Variants in GNA13 observed in about 807,000 individuals in gnomAD.
The protein encoded by GNA13 is guanine nucleotide-binding protein subunit alpha-13.
A neutral mutation model predicts 33.5 loss-of-function variants in GNA13; 4 were observed. The ratio of observed to expected loss-of-function variants is 0.12; its 90% CI spans 0.06 to 0.27. GNA13 has a LOEUF of 0.27. Ranked by LOEUF, GNA13 falls within the 10% of genes least tolerant of loss-of-function variation. The pLI, the probability that GNA13 is intolerant of heterozygous loss-of-function variation, is 1.00. For missense variants in GNA13, 319 were observed against 487.2 expected (o/e 0.65, Z 3.25); for synonymous variants, 176 against 183.8 (o/e 0.96, Z 0.34).
chr17:65,053,568 A>G lies in GNA13; in HGVS notation c.444T>C (p.Ala148=). ...ETRVFLQYLP[A]IRALWADSGI... is the part of the protein sequence containing the mutation. ...CGCTGTCTGCCCATAATGCTCTTAT[A>G]GCAGGAAGATATTGTAAGAAAACCC... Residue 148 remains alanine, a synonymous_variant, in exon 2 of 4, where the codon GCT becomes GCC. Transcript: ENST00000439174. 1.2e-6 allele frequency: 2 copies of G among 1,614,068 alleles called. No homozygotes were observed. Among genetic ancestry groups the G allele is most frequent in the South Asian group, 1.1e-5 (1 of 91,086 alleles).
chr17:65,021,095 G>A (rs1459010961), intron 2 of GNA13, among the ~76,000 whole-genome samples: 5 of 152,200 alleles, frequency 3.3e-5, no homozygotes, highest in African/African-American at 9.7e-5. Flanking sequence ...TAGTAAGGCT[G>A]AAGAGTAAAA....
chr17:65,026,761 ACATT>A (rs1438839353), intron 2 of GNA13, among the ~76,000 whole-genome samples: 1 of 152,006 alleles, frequency 6.6e-6, no homozygotes, highest in Non-Finnish European at 1.5e-5. Context: ...TTTTCCAAGC[ACATT>A]CAATTTTTTG....
At chr17:65,042,675 T>C (rs1243700371) in intron 2 of GNA13, among the ~76,000 whole-genome samples, 2 of 151,928 alleles carry the variant, frequency 1.3e-5, no homozygotes. Context: ...AGAGGGAGGC[T>C]GCAGTGAGCC....
Position 65,009,301 on chromosome 17 carries a change from C to T in GNA13, c.*4956G>A, listed in dbSNP as rs1216051090. ...TAACATCATAGTATTGAATTGTTTA[C>T]AAATGTTTATTAAATGTCAGTAATT... On this transcript the variant is annotated 3_prime_UTR_variant, in exon 4 of 4. Coordinates refer to ENST00000439174, the MANE Select transcript of GNA13 (RefSeq NM_006572.6). Among the ~76,000 whole-genome samples the T allele has an allele frequency of 6.6e-6, 1 of 152,122 alleles. No homozygotes were observed. Among genetic ancestry groups the T allele is most frequent in the Non-Finnish European group, 1.5e-5 (1 of 68,030 alleles).
chr17:65,052,603 TCA>T (rs1250315423), intron 2 of GNA13, among the ~76,000 whole-genome samples: 1 of 152,276 alleles, frequency 6.6e-6, no homozygotes, highest in African/African-American at 2.4e-5. Context: ...ATCACAGCAT[TCA>T]CAGTTAAATT....
Position 65,022,896 on chromosome 17 carries a change from G to A in GNA13, c.511-4593C>T, listed in dbSNP as rs533239273. ...AGTGAGAGCAGCTGCTCAGAGTTGA[G>A]GACACTCGGAACAACCATCAACTGT... On this transcript the variant is annotated intron_variant, in intron 2 of 3. Transcript: ENST00000439174. Among the ~76,000 whole-genome samples, 6 of 152,320 alleles carry A rather than the reference G, an allele frequency of 3.9e-5. No individual in the cohort carries two copies. In the East Asian group the frequency reaches 1.2e-3, roughly 29 times the overall value.
chr17:65,051,469 GC>G (rs1413351899), intron 2 of GNA13, among the ~76,000 whole-genome samples: 2 of 152,114 alleles, frequency 1.3e-5, no homozygotes, highest in Non-Finnish European at 2.9e-5. Context: ...TACAAAATTA[GC>G]CAGGTGTGGT....
chr17:65,045,710 TAAAG>T (rs575265230), intron 2 of GNA13, among the ~76,000 whole-genome samples: 23 of 152,188 alleles, frequency 1.5e-4, no homozygotes, highest in East Asian at 3.9e-4. Flanking sequence ...GTTACTATAA[TAAAG>T]AAAGAAGAAA....
intron 1 of GNA13, among the ~76,000 whole-genome samples, chr17:65,054,914 C>G (rs947233710): frequency 3.3e-5 from 5 of 152,126 alleles, no homozygotes; most frequent in Non-Finnish European, 7.3e-5. Context: ...AGGATAAATA[C>G]AACTGTTCTT....
chr17:65,028,553 C>G (rs942794997), intron 2 of GNA13, among the ~76,000 whole-genome samples: 1 of 152,002 alleles, frequency 6.6e-6, no homozygotes, highest in African/African-American at 2.4e-5. Context: ...GTAGCAGTTG[C>G]CTCTTGTAAT....
intron 2 of GNA13, among the ~76,000 whole-genome samples, chr17:65,040,623 A>G (rs1292321449): frequency 6.6e-6 from 1 of 152,020 alleles, no homozygotes; most frequent in East Asian, 1.9e-4. Context: ...CCTCCCAAGT[A>G]GCTGGGATTA....
At chr17:65,028,298 G>A (rs1294560819) in intron 2 of GNA13, among the ~76,000 whole-genome samples, 4 of 151,910 alleles carry the variant, frequency 2.6e-5, no homozygotes, top group Middle Eastern at 3.4e-3. Flanking sequence ...TCAGCTACTT[G>A]GGAGGGAGGT....
intron 1 of GNA13, 24 bp downstream of exon 1, chr17:65,056,287 C>A: frequency 6.4e-7 from 1 of 1,574,270 alleles, no homozygotes; most frequent in Non-Finnish European, 8.6e-7. Context: ...CCTTAACCCC[C>A]GGCCCCCATT....
chr17:65,037,777 G>GAAAAAAAAAAAAAC (rs145051963), intron 2 of GNA13, among the ~76,000 whole-genome samples: 1 of 82,042 alleles, frequency 1.2e-5, no homozygotes, highest in East Asian at 3.9e-4. Flanking sequence ...CTACAAAAAT[G>GAAAAAAAAAAAAAC]GAAAAAAAAA....
chr17:65,034,761 G>T (rs1322225436), intron 2 of GNA13, among the ~76,000 whole-genome samples: 1 of 152,122 alleles, frequency 6.6e-6, no homozygotes, highest in Non-Finnish European at 1.5e-5. Flanking sequence ...AGAGAAAAAA[G>T]TTTTAGCCAT....
intron 2 of GNA13, among the ~76,000 whole-genome samples, chr17:65,051,061 C>G (rs1163104158): frequency 6.6e-6 from 1 of 152,186 alleles, no homozygotes; most frequent in African/African-American, 2.4e-5. Context: ...TAGACGTCAG[C>G]TTCCAAATTA....
intron 1 of GNA13, among the ~76,000 whole-genome samples, chr17:65,055,386 G>A (rs1908008596): frequency 6.6e-6 from 1 of 152,108 alleles, no homozygotes; most frequent in African/African-American, 2.4e-5. Context: ...TAAAACTACT[G>A]TCAATAAAGA....
At chr17:65,043,669 CTATT>C (rs1289716986) in intron 2 of GNA13, among the ~76,000 whole-genome samples, 4 of 152,024 alleles carry the variant, frequency 2.6e-5, no homozygotes, top group Non-Finnish European at 4.4e-5. Context: ...ACAGATTTTA[CTATT>C]TAGATTAAAA....
rs553443656 is a variant in GNA13, at chr17:65,045,215, A to G, written c.510+8287T>C. Among the ~76,000 whole-genome samples the G allele has an allele frequency of 8.6e-5, 13 of 151,476 alleles. No homozygotes were observed. The South Asian group carries it at 2.5e-3, about 29-fold the overall frequency. ...GGTTGCCATTAAACTTCTATTTTTC[A>G]GAATACATTAAAAACTGTGTTCAGC... On this transcript the variant is annotated intron_variant, in intron 2 of 3. Coordinates refer to ENST00000439174, the MANE Select transcript of GNA13 (RefSeq NM_006572.6).
Sources: gnomAD v4.1 joint callset for allele counts (sites outside exome capture counted in the v4.1 genomes callset) on GRCh38, gnomAD v4.1.1 for gene constraint, MANE v1.5 for transcripts, NCBI Gene and HGNC (gene_info 2026-07-23, HGNC 2026-07-21) for gene names.